Variants in TSHZ2 observed in about 807,000 individuals in gnomAD.
The protein encoded by TSHZ2 is teashirt zinc finger homeobox 2.
Under a neutral mutation model 74.4 loss-of-function variants are expected in TSHZ2, and 21 were observed. The observed-to-expected ratio is 0.28, with a 90% confidence interval of 0.20 to 0.41. The LOEUF is 0.41. Ranked by LOEUF, TSHZ2 falls within the 10% of genes least tolerant of loss-of-function variation. The pLI is 1.00. For synonymous variants in TSHZ2, 540 were observed against 515.3 expected, an observed-to-expected ratio of 1.05 and a Z score of -0.65; for missense variants, 1,244 against 1,293.5, an observed-to-expected ratio of 0.96 and a Z score of 0.59.
chr20:53,226,864 A>T (rs773905933), intron 1 of TSHZ2, among the ~76,000 whole-genome samples: 20 of 152,236 alleles, frequency 1.3e-4, no homozygotes, highest in Admixed American at 1.0e-3. Context: ...CCCCGTTGAG[A>T]TCTAGATCCA....
At chr20:53,453,483 A>T (rs1195022797) in intron 2 of TSHZ2, among the ~76,000 whole-genome samples, 3 of 151,680 alleles carry the variant, frequency 2.0e-5, no homozygotes, top group African/African-American at 4.8e-5. Context: ...CCAGCCATGA[A>T]TTTTTTTTTC....
intron 1 of TSHZ2, among the ~76,000 whole-genome samples, chr20:53,008,365 T>C (rs1041752239): frequency 4.6e-5 from 7 of 152,178 alleles, no homozygotes; most frequent in African/African-American, 1.7e-4. Context: ...ATTGGAATAA[T>C]GAATTGCTCA....
At chr20:53,156,986 A>T (rs1260455196) in intron 1 of TSHZ2, among the ~76,000 whole-genome samples, 2 of 152,176 alleles carry the variant, frequency 1.3e-5, no homozygotes, top group Non-Finnish European at 2.9e-5. Context: ...GCAGAGAAAC[A>T]TTAGACCTTT....
chr20:53,396,178 C>A (rs530819997), intron 2 of TSHZ2, among the ~76,000 whole-genome samples: 1 of 152,226 alleles, frequency 6.6e-6, no homozygotes, highest in Non-Finnish European at 1.5e-5. Flanking sequence ...ACCTCGTGAT[C>A]CACCCGCCTT....
intron 1 of TSHZ2, among the ~76,000 whole-genome samples, chr20:53,042,441 C>T (rs1488550761): frequency 6.6e-6 from 1 of 152,152 alleles, no homozygotes; most frequent in Non-Finnish European, 1.5e-5. Flanking sequence ...CGTATATATA[C>T]ACACACTGCT....
At chr20:53,101,082 G>T (rs911164990) in intron 1 of TSHZ2, among the ~76,000 whole-genome samples, 1 of 152,106 alleles carries the variant, frequency 6.6e-6, no homozygotes, top group African/African-American at 2.4e-5. Context: ...ATGGATATCT[G>T]GTTTTTTAAT....
intron 1 of TSHZ2, among the ~76,000 whole-genome samples, chr20:53,222,681 C>A (rs927625372): frequency 6.6e-6 from 1 of 152,212 alleles, no homozygotes; most frequent in Non-Finnish European, 1.5e-5. Flanking sequence ...GCTCTGAATG[C>A]TAACTGCTAA....
chr20:53,354,256 TGAG>T (rs1212980685), intron 2 of TSHZ2, among the ~76,000 whole-genome samples: 1 of 152,196 alleles, frequency 6.6e-6, no homozygotes, highest in African/African-American at 2.4e-5. Context: ...TCGGGAAACA[TGAG>T]GAGACATGGT....
chr20:53,087,117 C>G lies in TSHZ2; in HGVS notation c.40+113784C>G, dbSNP rs1040243389. ...GGAGGAGAATTCATAATACCAGATT[C>G]TCACATGGCTAGACCTTTTGCCCTT... is the stretch of plus-strand genomic sequence containing the variant. On this transcript the variant is annotated intron_variant, in intron 1 of 2. Coordinates refer to ENST00000371497, the MANE Select transcript of TSHZ2 (RefSeq NM_173485.6). Among the ~76,000 whole-genome samples, 6 of 152,292 alleles carry G rather than the reference C, an allele frequency of 3.9e-5. 1 individual carries two copies. The South Asian group carries it at 1.2e-3, about 32-fold the overall frequency.
In TSHZ2 at chr20:53,409,462, CA is replaced by C. The variant is rs57982211; in HGVS notation, c.*9-77671del. 4.3e-3 allele frequency among the ~76,000 whole-genome samples: 621 copies of C among 143,552 alleles called. 1 individual carries two copies. Among genetic ancestry groups the C allele is most frequent in the Non-Finnish European group, 6.5e-3 (419 of 64,634 alleles). The allele number at this position is 143,552 out of a possible 152,430, so 94.2% of individuals were successfully genotyped here. ...ATCATTTGAGGCTTTATTGCTGTAC[CA>C]AAAAAAAAAAGTGTCTTTGTTTAAT... is the stretch of plus-strand genomic sequence containing the variant. On this transcript the variant is annotated intron_variant, in intron 2 of 2. Coordinates refer to ENST00000371497, the MANE Select transcript of TSHZ2 (RefSeq NM_173485.6).
At chr20:53,061,063 C>T (rs1004012031) in intron 1 of TSHZ2, among the ~76,000 whole-genome samples, 1 of 152,170 alleles carries the variant, frequency 6.6e-6, no homozygotes, top group Non-Finnish European at 1.5e-5. Context: ...CTAAAGGTTC[C>T]TTTCTTGGTT....
intron 2 of TSHZ2, among the ~76,000 whole-genome samples, chr20:53,410,403 C>G (rs190706399): frequency 1.3e-5 from 2 of 152,060 alleles, no homozygotes; most frequent in African/African-American, 4.8e-5. Flanking sequence ...CAGAGCAAAT[C>G]AAGGCACCTG....
rs1410861263 is a variant in TSHZ2, at chr20:53,255,716, C to G, written c.2258C>G (p.Ser753Cys). The change falls in exon 2 of 3, where the codon TCC becomes TGC. Residue 753 changes from serine (S) to cysteine (C), a missense_variant. By Grantham distance (112) the Ser-to-Cys change is moderately radical. Around this residue, in one of 6 missense-constraint regions of TSHZ2, gnomAD observed 562 missense variants for 544.0 expected, o/e 1.03. Transcript: ENST00000371497. This position sits in a 1 kb window ranked among gnomAD's most constrained non-coding sequence, Gnocchi z 4.1. The part of the protein sequence containing the change: ...SPASTRSASV[S>C]RRYLFENSDQ... ...GCCTCCACAAGGTCAGCCAGCGTGT[C>G]CAGGCGCTACCTGTTTGAGAACAGC... is the stretch of plus-strand genomic sequence containing the variant. The G allele has an allele frequency of 5.6e-6, 9 of 1,609,158 alleles. No individual in the cohort carries two copies. The Admixed American group carries it at 1.3e-4, about 24-fold the overall frequency.
At chr20:53,075,441 T>G (rs1047401954) in intron 1 of TSHZ2, among the ~76,000 whole-genome samples, 5 of 152,074 alleles carry the variant, frequency 3.3e-5, no homozygotes, top group African/African-American at 1.2e-4. Flanking sequence ...AGTAGGAAAA[T>G]AGGGACACGA....
At chr20:53,215,377 C>T (rs1333842334) in intron 1 of TSHZ2, among the ~76,000 whole-genome samples, 2 of 152,008 alleles carry the variant, frequency 1.3e-5, no homozygotes, top group African/African-American at 4.8e-5. Flanking sequence ...CACTGTCTAA[C>T]CATGCCACAG....
chr20:53,204,837 T>C (rs1417931991), intron 1 of TSHZ2, among the ~76,000 whole-genome samples: 2 of 152,048 alleles, frequency 1.3e-5, no homozygotes, highest in Non-Finnish European at 2.9e-5. Flanking sequence ...ATCCCAGCAC[T>C]TTGGGAGGCC....
intron 1 of TSHZ2, among the ~76,000 whole-genome samples, chr20:53,227,463 A>AACACACAC (rs10574252): frequency 4.6e-4 from 68 of 146,668 alleles, no homozygotes; most frequent in Middle Eastern, 3.5e-3. Context: ...TGGGGAGGAA[A>AACACACAC]ACACACACAC....
chr20:53,030,813 A>G (rs1405183111), intron 1 of TSHZ2, among the ~76,000 whole-genome samples: 1 of 152,242 alleles, frequency 6.6e-6, no homozygotes, highest in African/African-American at 2.4e-5. Flanking sequence ...AAACATTATA[A>G]TCATATAGAG....
At chr20:53,154,234 T>C (rs1383977583) in intron 1 of TSHZ2, among the ~76,000 whole-genome samples, 1 of 152,140 alleles carries the variant, frequency 6.6e-6, no homozygotes, top group Non-Finnish European at 1.5e-5. Context: ...GGGGAGTAAG[T>C]AGCAACTCCC....
Sources: allele counts gnomAD v4.1 joint callset (sites outside exome capture counted in the v4.1 genomes callset), GRCh38; gene constraint gnomAD v4.1.1; regional missense constraint gnomAD v4.1.1; non-coding constraint Gnocchi (gnomAD v3.1); transcripts MANE v1.5; gene names NCBI Gene and HGNC (gene_info 2026-07-23, HGNC 2026-07-21).